DPP10: variants seen among roughly 807,000 people sequenced by gnomAD.
DPP10 encodes inactive dipeptidyl peptidase 10.
In DPP10, 33 loss-of-function variants were observed where a neutral mutation model predicts 120.9. That is an observed-to-expected ratio of 0.27 (90% confidence interval 0.21 to 0.37). The LOEUF (loss-of-function observed/expected upper bound fraction) is 0.37, where lower values mean the gene tolerates loss of function less well. Among genes scored for constraint, DPP10 ranks in the 10% least tolerant of loss-of-function variants. The pLI, the probability that DPP10 is intolerant of heterozygous loss-of-function variation, is 1.00. For synonymous variants in DPP10, 337 were observed against 326.1 expected (o/e 1.03, Z -0.36); for missense variants, 816 against 942.8 (o/e 0.87, Z 1.76).
chr2:115,320,864 A>G (rs988686778), intron 2 of DPP10, among the ~76,000 whole-genome samples: 2 of 152,120 alleles, frequency 1.3e-5, no homozygotes, highest in Non-Finnish European at 2.9e-5. Context: ...TTCATGCTGA[A>G]GCCTCCCTTT....
chr2:114,945,265 C>T (rs762832725), intron 1 of DPP10, among the ~76,000 whole-genome samples: 23 of 152,168 alleles, frequency 1.5e-4, no homozygotes, highest in Non-Finnish European at 2.8e-4. Flanking sequence ...AAAGCTTCTG[C>T]TCTCTGGAAG....
intron 5 of DPP10, among the ~76,000 whole-genome samples, chr2:115,605,217 A>G (rs1357261003): frequency 6.6e-6 from 1 of 152,106 alleles, no homozygotes; most frequent in Non-Finnish European, 1.5e-5. Context: ...TTGGGATGTC[A>G]CAAGGGTTAT....
intron 1 of DPP10, among the ~76,000 whole-genome samples, chr2:114,520,662 A>G (rs1276720495): frequency 1.3e-5 from 2 of 152,204 alleles, no homozygotes; most frequent in African/African-American, 2.4e-5. Flanking sequence ...AAGAACCACC[A>G]TCTTCTCCAT....
chr2:115,032,559 T>G (rs1342204416), intron 1 of DPP10, among the ~76,000 whole-genome samples: 1 of 151,866 alleles, frequency 6.6e-6, no homozygotes, highest in Non-Finnish European at 1.5e-5. Context: ...TTAAAAATAA[T>G]AAAAGCAAGT....
intron 1 of DPP10, among the ~76,000 whole-genome samples, chr2:114,448,428 C>T (rs1234363076): frequency 6.6e-6 from 1 of 152,142 alleles, no homozygotes; most frequent in Non-Finnish European, 1.5e-5. Flanking sequence ...ACTGAAAAGA[C>T]ATTATGGGTC....
At chr2:115,164,186 A>C (rs1018586229) in intron 1 of DPP10, among the ~76,000 whole-genome samples, 1 of 152,118 alleles carries the variant, frequency 6.6e-6, no homozygotes, top group Non-Finnish European at 1.5e-5. Context: ...GGCACCTCGC[A>C]GTGAGGGTGT....
At chr2:114,862,326 G>T (rs1303816050) in intron 1 of DPP10, among the ~76,000 whole-genome samples, 1 of 151,946 alleles carries the variant, frequency 6.6e-6, no homozygotes, top group African/African-American at 2.4e-5. Context: ...TAAGATAAAA[G>T]AAAATTCTTT....
intron 2 of DPP10, among the ~76,000 whole-genome samples, chr2:115,337,979 G>C (rs1218332373): frequency 2.6e-5 from 4 of 151,934 alleles, no homozygotes; most frequent in Non-Finnish European, 4.4e-5. Flanking sequence ...TTTATTTATA[G>C]TTATTTGAAT....
intron 19 of DPP10, among the ~76,000 whole-genome samples, chr2:115,811,059 A>G (rs1686589537): frequency 6.6e-6 from 1 of 152,212 alleles, no homozygotes; most frequent in Non-Finnish European, 1.5e-5. Context: ...TTATAAGTCT[A>G]GTATTTTCTG....
rs565268536 is a variant in DPP10, at chr2:115,560,152, C to T, written c.441+34180C>T. On this transcript the variant is annotated intron_variant, in intron 5 of 25. Transcript: ENST00000410059. ...TTGGGAGGCTGAGGCGGGTGGATCA[C>T]GAGGTCAAAAGATCGAGACCATCCT... Among the ~76,000 whole-genome samples, 9 of 150,518 alleles carry T rather than the reference C, an allele frequency of 6.0e-5. No individual in the cohort carries two copies. The South Asian group carries it at 8.4e-4, about 14-fold the overall frequency.
rs70941039 is a variant in DPP10 at position 115,279,655 on chromosome 2, CTTTTTTTTTTTTTT to C, written c.61-29570_61-29557del. Among the ~76,000 whole-genome samples the C allele has an allele frequency of 5.1e-4, 22 of 42,720 alleles. 1 individual carries two copies. The highest frequency in any genetic ancestry group is 1.9e-3 in the African/African-American group (17 of 9,158). 28.0% of individuals were successfully genotyped at this position (42,720 alleles called of 152,430 possible). A position where few individuals can be genotyped will look rare whatever the true frequency, so the allele number is the denominator to read the frequency against. On this transcript the variant is annotated intron_variant, in intron 1 of 25. Transcript: ENST00000410059. ...TTTCTTTCTTTCTTTTTTTCTTCTTCTTTTTTTTTTTTTTTTTTTTTTTTTTTGGAGACAGGATT... is the reference window on the plus strand; with the variant it reads ...TTTCTTTCTTTCTTTTTTTCTTCTTCTTTTTTTTTTTTTGGAGACAGGATT...
chr2:114,643,206 A>G (rs1246198872), intron 1 of DPP10, among the ~76,000 whole-genome samples: 1 of 151,842 alleles, frequency 6.6e-6, no homozygotes, highest in Non-Finnish European at 1.5e-5. Flanking sequence ...CTATTCTAAG[A>G]TCTTTAATCC....
At chr2:114,557,741 G>C (rs549889162) in intron 1 of DPP10, among the ~76,000 whole-genome samples, 1 of 152,028 alleles carries the variant, frequency 6.6e-6, no homozygotes, top group African/African-American at 2.4e-5. Context: ...CTAATGGCTC[G>C]GCTCGCGACT....
rs572450371 is a variant in DPP10 at position 115,060,899 on chromosome 2, T to C, written c.61-248340T>C. On this transcript the variant is annotated intron_variant, in intron 1 of 25. Coordinates refer to ENST00000410059, the MANE Select transcript of DPP10 (RefSeq NM_020868.6). ...GAAACCTATGGACAAGGTGCTCACC[T>C]CGCTTGCAAGAACAAGCTTAGTATA... Among the ~76,000 whole-genome samples, 148 of 152,290 alleles carry C rather than the reference T, an allele frequency of 9.7e-4. 1 individual carries two copies. In the Middle Eastern group the frequency reaches 0.02, roughly 21 times the overall value.
chr2:114,761,181 T>C (rs1371905698), intron 1 of DPP10, among the ~76,000 whole-genome samples: 1 of 152,152 alleles, frequency 6.6e-6, no homozygotes, highest in Non-Finnish European at 1.5e-5. Flanking sequence ...TTTCTGCCAG[T>C]GTACAGTATT....
intron 1 of DPP10, among the ~76,000 whole-genome samples, chr2:115,236,112 T>C (rs2057993356): frequency 6.6e-6 from 1 of 152,214 alleles, no homozygotes; most frequent in South Asian, 2.1e-4. Flanking sequence ...TAATATTCAT[T>C]ATGATAATTG....
chr2:114,445,204 C>A (rs1297114618), intron 1 of DPP10, among the ~76,000 whole-genome samples: 2 of 152,138 alleles, frequency 1.3e-5, no homozygotes, highest in African/African-American at 4.8e-5. Context: ...AATTTACTAT[C>A]AATTTACTAT....
chr2:115,188,569 T>C (rs1291149578), intron 1 of DPP10, among the ~76,000 whole-genome samples: 1 of 152,176 alleles, frequency 6.6e-6, no homozygotes, highest in Non-Finnish European at 1.5e-5. Context: ...AACGAAATGT[T>C]TTCTAACCAC....
chr2:114,722,498 C>T (rs751831493), intron 1 of DPP10, among the ~76,000 whole-genome samples: 6 of 152,014 alleles, frequency 3.9e-5, no homozygotes, highest in Non-Finnish European at 5.9e-5. Context: ...GCTAACCAGT[C>T]GGGCGCGGTG....
Sources: allele counts gnomAD v4.1 joint callset (sites outside exome capture counted in the v4.1 genomes callset), GRCh38; gene constraint gnomAD v4.1.1; transcripts MANE v1.5; gene names NCBI Gene and HGNC (gene_info 2026-07-23, HGNC 2026-07-21).